The following BCR variants were observed in gnomAD, a reference collection of about 807,000 sequenced individuals.
BCR encodes the protein BCR activator of RhoGEF and GTPase.
Under a neutral mutation model 138.6 loss-of-function variants are expected in BCR, and 58 were observed. That is an observed-to-expected ratio of 0.42 (90% CI 0.34 to 0.52). The LOEUF is 0.52. BCR is among the 20% of genes least tolerant of loss of function. The pLI is 0.06. For missense variants in BCR, 1,599 were observed against 1,727.2 expected, an observed-to-expected ratio of 0.93 and a Z score of 1.32; for synonymous variants, 786 against 730.1, an observed-to-expected ratio of 1.08 and a Z score of -1.23.
intron 1 of BCR, among the ~76,000 whole-genome samples, chr22:23,249,830 T>A (rs1355335145): frequency 6.6e-6 from 1 of 152,086 alleles, no homozygotes. Flanking sequence ...GAAGCCCTCA[T>A]ATGGAACGTG....
intron 10 of BCR, among the ~76,000 whole-genome samples, 190 bp downstream of exon 10, chr22:23,285,391 C>A (rs776116015): frequency 6.6e-6 from 1 of 152,168 alleles, no homozygotes; most frequent in Non-Finnish European, 1.5e-5. Flanking sequence ...TTCTGAGAAC[C>A]CCCAGCTAAA....
chr22:23,200,669 C>T lies in BCR; in HGVS notation c.1279+18430C>T, dbSNP rs138433795. Among the ~76,000 whole-genome samples, 822 of 152,222 alleles carry T rather than the reference C, an allele frequency of 5.4e-3. 12 individuals carry two copies. Among genetic ancestry groups the T allele is most frequent in the African/African-American group, 0.019 (780 of 41,530 alleles). ...ACCTCTCCAGGCTCAGGCGATTCTC[C>T]CACCTCAGCCTTCTGAGTAGCTGGG... On this transcript the variant is annotated intron_variant, in intron 1 of 22. Transcript: ENST00000305877.
chr22:23,281,002 C>T (rs1212681194), intron 8 of BCR, among the ~76,000 whole-genome samples: 2 of 152,236 alleles, frequency 1.3e-5, no homozygotes, highest in African/African-American at 2.4e-5. Context: ...CAGTGAGACA[C>T]ACGGGCACAC....
chr22:23,204,528 T>C (rs534712922), intron 1 of BCR, among the ~76,000 whole-genome samples: 5 of 152,164 alleles, frequency 3.3e-5, no homozygotes, highest in Admixed American at 3.3e-4. Context: ...AAATCCCTCT[T>C]GGTGGATGTC....
chr22:23,254,595 C>T (rs764559328), intron 2 of BCR: 6 of 518,932 alleles, frequency 1.2e-5, no homozygotes, highest in South Asian at 2.8e-5. Flanking sequence ...GAACGTAGCC[C>T]GGGCTGGTTG....
intron 1 of BCR, among the ~76,000 whole-genome samples, chr22:23,218,108 CTTCATTCTGGACCCCCTTGTCA>C (rs1445874955): frequency 3.9e-5 from 6 of 152,236 alleles, no homozygotes. Context: ...TCACTGTTCT[CTTCATTCTGGACCCCCTTGTCA>C]TCACGATGCC....
intron 1 of BCR, among the ~76,000 whole-genome samples, chr22:23,213,651 C>G (rs749436470): frequency 6.6e-6 from 1 of 151,928 alleles, no homozygotes; most frequent in Non-Finnish European, 1.5e-5. Context: ...AGTGAGAGCT[C>G]GTCTCTCCAA....
chr22:23,276,549 G>A (rs2073578960), intron 8 of BCR, among the ~76,000 whole-genome samples: 3 of 152,226 alleles, frequency 2.0e-5, no homozygotes, highest in South Asian at 4.1e-4. Flanking sequence ...CAAGGTGGAG[G>A]ACTAATGACT....
intron 1 of BCR, among the ~76,000 whole-genome samples, chr22:23,235,974 T>C (rs896834848): frequency 6.6e-6 from 1 of 152,220 alleles, no homozygotes; most frequent in East Asian, 1.9e-4. Context: ...ATAGGAATTT[T>C]GCAGAGATGT....
chr22:23,190,292 C>T (rs548079287), intron 1 of BCR, among the ~76,000 whole-genome samples: 185 of 152,248 alleles, frequency 1.2e-3, no homozygotes, highest in Non-Finnish European at 1.9e-3. Context: ...CTCAGCCTTC[C>T]GAGTAGCTGG....
chr22:23,248,637 G>A (rs1161278884), intron 1 of BCR, among the ~76,000 whole-genome samples: 2 of 152,126 alleles, frequency 1.3e-5, no homozygotes, highest in Non-Finnish European at 2.9e-5. Flanking sequence ...AGAGAAGAGG[G>A]TTTCAGATTT....
intron 1 of BCR, 84 bp downstream of exon 1, chr22:23,182,323 G>A: frequency 4.3e-6 from 6 of 1,405,936 alleles, no homozygotes; most frequent in Non-Finnish European, 5.6e-6. Context: ...AACAGAAGTT[G>A]GGAGGGAGGA....
At chr22:23,286,308 G>A (rs946863533) in intron 10 of BCR, among the ~76,000 whole-genome samples, 8 of 152,218 alleles carry the variant, frequency 5.3e-5, no homozygotes, top group Admixed American at 5.2e-4. Context: ...GAGGCGGGTG[G>A]CATCAAGGTT....
chr22:23,264,145 G>A (rs1452378366), intron 4 of BCR: 3 of 1,515,706 alleles, frequency 2.0e-6, no homozygotes, highest in Non-Finnish European at 2.7e-6. Flanking sequence ...ACCCTGTACT[G>A]CCTGCAGACA....
intron 5 of BCR, 59 bp from the exon 6 acceptor site, chr22:23,271,473 G>T (rs2146287147): frequency 6.5e-7 from 1 of 1,549,010 alleles, no homozygotes; most frequent in Non-Finnish European, 8.9e-7. Context: ...AGGGGGAACT[G>T]TCTGCATCAT....
intron 8 of BCR, 61 bp from the exon 9 acceptor site, chr22:23,283,916 C>G: frequency 6.7e-7 from 1 of 1,488,072 alleles, no homozygotes; most frequent in Non-Finnish European, 9.0e-7. Context: ...CTGGGAGGGC[C>G]GAACACCCCC....
intron 4 of BCR, chr22:23,264,365 A>G: frequency 1.1e-6 from 1 of 926,702 alleles, no homozygotes. Flanking sequence ...CGTGACCGTC[A>G]GGGCCACCCC....
intron 1 of BCR, among the ~76,000 whole-genome samples, chr22:23,216,580 A>G (rs907147739): frequency 1.7e-4 from 26 of 152,258 alleles, no homozygotes; most frequent in African/African-American, 5.5e-4. Flanking sequence ...GATTTGTATC[A>G]GTCATCTCTT....
At chr22:23,270,152 T>TG (rs749490763) in intron 5 of BCR, among the ~76,000 whole-genome samples, 1 of 152,114 alleles carries the variant, frequency 6.6e-6, no homozygotes, top group South Asian at 2.1e-4. Flanking sequence ...GCAGAGGTGT[T>TG]GGGGGGTCAG....
Sources: gnomAD v4.1 joint callset for allele counts (sites outside exome capture counted in the v4.1 genomes callset) on GRCh38, gnomAD v4.1.1 for gene constraint, MANE v1.5 for transcripts, NCBI Gene and HGNC (gene_info 2026-07-23, HGNC 2026-07-21) for gene names.